Variants in GKN2 observed in about 807,000 individuals in gnomAD.
GKN2 encodes gastrokine 2, also known as gastrokine-2.
Under a neutral mutation model 22.7 loss-of-function variants are expected in GKN2, and 17 were observed. The ratio of observed to expected loss-of-function variants is 0.75; its 90% CI spans 0.51 to 1.13. The LOEUF (loss-of-function observed/expected upper bound fraction) is 1.13. Among genes scored for constraint, GKN2 ranks in the 50% most tolerant of loss-of-function variants. The pLI is 0.00. For synonymous variants in GKN2, 82 were observed against 79.6 expected, an observed-to-expected ratio of 1.03 and a Z score of -0.16; for missense variants, 248 against 221.4, an observed-to-expected ratio of 1.12 and a Z score of -0.76.
At chr2:68,948,250 A>AAC (rs1380013707) in intron 3 of GKN2, among the ~76,000 whole-genome samples, 3 of 50,024 alleles carry the variant, frequency 6.0e-5, no homozygotes, top group Admixed American at 2.2e-4. Flanking sequence ...CGTCAAAAAA[A>AAC]AAAAACAAAA....
At chr2:68,946,738 G>A (rs1669773368) in intron 4 of GKN2, among the ~76,000 whole-genome samples, 1 of 152,022 alleles carries the variant, frequency 6.6e-6, no homozygotes, top group South Asian at 2.1e-4. Context: ...TTAAACCTTG[G>A]GTCTCTAGCC....
rs1255323670 is a variant in GKN2 at position 68,950,028 on chromosome 2, G to C, written c.204+98C>G. ...AATTCTTAAAGAATTGCAAGGTTAA[G>C]TCTAAGAATTCAAGTATATATGCCC... On this transcript the variant is annotated intron_variant, in intron 3 of 5. Coordinates refer to ENST00000328895, the MANE Select transcript of GKN2 (RefSeq NM_182536.3). The C allele has an allele frequency of 3.3e-6, 3 of 911,108 alleles. No homozygotes were observed. In the Admixed American group the frequency reaches 9.2e-5, roughly 28 times the overall value. The allele number at this position is 911,108 out of a possible 1,614,324, so 56.4% of individuals were successfully genotyped here.
At chr2:68,949,712 G>A (rs558777419) in intron 3 of GKN2, among the ~76,000 whole-genome samples, 2 of 152,288 alleles carry the variant, frequency 1.3e-5, no homozygotes, top group African/African-American at 4.8e-5. Flanking sequence ...GAGCCACTGT[G>A]CCTGACCAAT....
chr2:68,949,038 T>C (rs545210531), intron 3 of GKN2, among the ~76,000 whole-genome samples: 23 of 152,320 alleles, frequency 1.5e-4, no homozygotes, highest in African/African-American at 5.3e-4. Flanking sequence ...TGAAGACATT[T>C]CTAGAAGAAA....
intron 3 of GKN2, among the ~76,000 whole-genome samples, chr2:68,949,575 A>G (rs1242396185): frequency 6.6e-6 from 1 of 151,852 alleles, no homozygotes; most frequent in Non-Finnish European, 1.5e-5. Flanking sequence ...CCGCACCACC[A>G]CACCCAGCTA....
At chr2:68,945,558 C>A in intron 5 of GKN2, 108 bp from the exon 6 acceptor site, 1 of 792,914 alleles carries the variant, frequency 1.3e-6, no homozygotes, top group Middle Eastern at 3.4e-4. Context: ...TTTGGAAGTG[C>A]TGGTTGGCTC....
chr2:68,950,816 G>A (rs1023450497), intron 1 of GKN2, 61 bp from the exon 2 acceptor site: 31 of 1,524,632 alleles, frequency 2.0e-5, no homozygotes, highest in Non-Finnish European at 2.5e-5. Flanking sequence ...TGGGACAGGA[G>A]GAAACACTGG....
Position 68,950,166 on chromosome 2 carries a change from G to T in GKN2, c.164C>A (p.Ala55Glu). The change falls in exon 3 of 6, where the codon GCA becomes GAA. Residue 55 changes from alanine (A) to glutamate (E), a missense_variant. Coordinates refer to ENST00000328895, the MANE Select transcript of GKN2 (RefSeq NM_182536.3). ...EKNTAIINIHAGSCSSTTIFD... is the reference protein window; with the variant it reads ...EKNTAIINIHEGSCSSTTIFD... Reference sequence around the variant, plus strand: ...AATTGTGGTAGAAGAGCATGATCCTGCATGGATGTTAATGATGGCGGTATT... The same window carrying T: ...AATTGTGGTAGAAGAGCATGATCCTTCATGGATGTTAATGATGGCGGTATT... The T allele has an allele frequency of 6.2e-7, 1 of 1,613,856 alleles. No homozygotes were observed. The highest frequency in any genetic ancestry group is 8.5e-7 in the Non-Finnish European group (1 of 1,179,806).
chr2:68,946,163 T>A, intron 5 of GKN2, 141 bp downstream of exon 5: 4 of 627,322 alleles, frequency 6.4e-6, no homozygotes, highest in Non-Finnish European at 1.1e-5. Context: ...TTTACACACA[T>A]GGCATGTAAT....
chr2:68,952,486 A>G (rs555902712), intron 1 of GKN2, among the ~76,000 whole-genome samples: 1 of 152,234 alleles, frequency 6.6e-6, no homozygotes, highest in South Asian at 2.1e-4. Flanking sequence ...ACTATTACTG[A>G]TATTATTTTT....
intron 1 of GKN2, among the ~76,000 whole-genome samples, chr2:68,952,357 A>G (rs117505449): frequency 0.011 from 1,689 of 152,296 alleles, 60 homozygotes; most frequent in East Asian, 0.11. Context: ...CCTTATCTGT[A>G]AAACGGGGAG....
At chr2:68,951,042 G>A (rs1177330154) in intron 1 of GKN2, among the ~76,000 whole-genome samples, 1 of 152,056 alleles carries the variant, frequency 6.6e-6, no homozygotes, top group Non-Finnish European at 1.5e-5. Flanking sequence ...TAGATAGTAG[G>A]AGAAACCCGG....
chr2:68,949,626 C>T (rs908066876), intron 3 of GKN2, among the ~76,000 whole-genome samples: 1 of 151,944 alleles, frequency 6.6e-6, no homozygotes, highest in Non-Finnish European at 1.5e-5. Flanking sequence ...TGCCATGTTG[C>T]CCAGGCCAGT....
chr2:68,947,030 C>A, intron 4 of GKN2, 117 bp downstream of exon 4: 1 of 642,268 alleles, frequency 1.6e-6, no homozygotes, highest in East Asian at 2.6e-5. Context: ...AGTTGAGTAT[C>A]ACATTTATGG....
chr2:68,947,315 T>C, intron 3 of GKN2, 58 bp from the exon 4 acceptor site: 1 of 1,082,128 alleles, frequency 9.2e-7, no homozygotes, highest in Non-Finnish European at 1.4e-6. Flanking sequence ...CTGAACTTGG[T>C]GAAGATGATG....
Position 68,945,439 on chromosome 2 carries a change from C to A in GKN2, c.484G>T (p.Ala162Ser), listed in dbSNP as rs759993781. 1.2e-5 allele frequency: 19 copies of A among 1,608,672 alleles called. No homozygotes were observed. The highest frequency in any genetic ancestry group is 1.5e-5 in the Non-Finnish European group (18 of 1,176,748). ...EVVENTHNVG[A>S]GGCAKAGLLG... ...AGCCCAGCCTTTGCACAGCCTCCAG[C>A]ACCGACATTATCTGGAAAAGGGAAA... The change falls in exon 6 of 6, where the codon GCT (alanine) becomes TCT (serine). Residue 162 changes from alanine to serine, a missense_variant. Coordinates refer to ENST00000328895, the MANE Select transcript of GKN2 (RefSeq NM_182536.3).
At chr2:68,949,616 T>C (rs1669825031) in intron 3 of GKN2, among the ~76,000 whole-genome samples, 2 of 151,928 alleles carry the variant, frequency 1.3e-5, no homozygotes, top group South Asian at 2.1e-4. Flanking sequence ...GATGGGATTC[T>C]GCCATGTTGC....
intron 5 of GKN2, 53 bp from the exon 6 acceptor site, chr2:68,945,503 A>T: frequency 1.6e-6 from 2 of 1,277,684 alleles, no homozygotes; most frequent in Non-Finnish European, 2.3e-6. Context: ...ATATTATTGG[A>T]ATTATTAGAA....
In GKN2 at chr2:68,946,431, G is replaced by A; in HGVS notation, c.345C>T (p.Tyr115=). 1 of 1,611,744 alleles carries A rather than the reference G, an allele frequency of 6.2e-7. No individual in the cohort carries two copies. Among genetic ancestry groups the A allele is most frequent in the Non-Finnish European group, 8.5e-7 (1 of 1,179,286 alleles). Residue 115 remains tyrosine, a synonymous_variant, in exon 5 of 6, where the codon TAC becomes TAT. Transcript: ENST00000328895. ...CCAGAGGGTTGTACTTGACCCAGGTGTATTTGCTGGAGAACATGTTGTCCA... is the reference window on the plus strand; with the variant it reads ...CCAGAGGGTTGTACTTGACCCAGGTATATTTGCTGGAGAACATGTTGTCCA... The part of the protein sequence containing the change: ...QALDNMFSSK[Y]TWVKYNPLES...
Sources: allele counts gnomAD v4.1 joint callset (sites outside exome capture counted in the v4.1 genomes callset), GRCh38; gene constraint gnomAD v4.1.1; transcripts MANE v1.5; gene names NCBI Gene and HGNC (gene_info 2026-07-23, HGNC 2026-07-21).